The following SRL variants were observed in gnomAD, a reference collection of about 807,000 sequenced individuals.
The protein encoded by SRL is sarcalumenin.
In SRL, 23 loss-of-function variants were observed where a neutral mutation model predicts 39.5. The observed-to-expected ratio is 0.58, with a 90% CI of 0.42 to 0.82. SRL has a LOEUF of 0.82. Among genes scored for constraint, SRL ranks in the 40% least tolerant of loss-of-function variants. The pLI is 0.00. For missense variants in SRL, 592 were observed against 607.8 expected (o/e 0.97, Z 0.27); for synonymous variants, 272 against 237.4 (o/e 1.15, Z -1.34).
At chr16:4,220,603 G>C (rs1375771693) in intron 1 of SRL, among the ~76,000 whole-genome samples, 1 of 152,186 alleles carries the variant, frequency 6.6e-6, no homozygotes, top group Non-Finnish European at 1.5e-5. Flanking sequence ...GGGCCTCCAA[G>C]TTGCCTGGCT....
At position 4,226,826 on chromosome 16, in the gene SRL, CGGAT is replaced by C. The variant is rs370562967; in HGVS notation, c.61+15177_61+15180del. Among the ~76,000 whole-genome samples, 446 of 122,142 alleles carry C rather than the reference CGGAT, an allele frequency of 3.7e-3. 3 individuals carry two copies. Among genetic ancestry groups the C allele is most frequent in the African/African-American group, 0.012 (399 of 32,008 alleles). 80.1% of individuals were successfully genotyped at this position (122,142 alleles called of 152,430 possible). On this transcript the variant is annotated intron_variant, in intron 1 of 5. Coordinates refer to ENST00000399609, the MANE Select transcript of SRL (RefSeq NM_001098814.2). ...ATGGATGGATGGATGGAAGAATGGA[CGGAT>C]GGATGGATGGATGGAGGGGTAGATG...
chr16:4,225,683 C>A (rs2141060518), intron 1 of SRL, among the ~76,000 whole-genome samples: 1 of 152,276 alleles, frequency 6.6e-6, no homozygotes, highest in East Asian at 1.9e-4. Flanking sequence ...CCTGCCCCCA[C>A]CGGCTCCCTG....
rs1680962102 is a variant in SRL, at chr16:4,192,045, T to G, written c.*108A>C. 1.6e-6 allele frequency: 2 copies of G among 1,244,430 alleles called. No homozygotes were observed. The highest frequency in any genetic ancestry group is 3.0e-5 in the African/African-American group (2 of 66,296). 77.1% of individuals were successfully genotyped at this position (1,244,430 alleles called of 1,614,324 possible). On this transcript the variant is annotated 3_prime_UTR_variant, in exon 6 of 6. Transcript: ENST00000399609. The surrounding 1 kb of genome is among the most constrained non-coding windows in gnomAD (Gnocchi z 4.0). ...TCAATGAACTCCCAACTCTCCACTGTGTAATAATTCCTGCCAGTGTGGCTC... is the reference window on the plus strand; with the variant it reads ...TCAATGAACTCCCAACTCTCCACTGGGTAATAATTCCTGCCAGTGTGGCTC...
intron 1 of SRL, 97 bp downstream of exon 1, chr16:4,241,910 T>C: frequency 7.4e-7 from 1 of 1,356,976 alleles, no homozygotes; most frequent in East Asian, 2.3e-5. Flanking sequence ...GGGTTTGCCA[T>C]CAGCCCCGAC....
chr16:4,228,690 A>C (rs576223416), intron 1 of SRL, among the ~76,000 whole-genome samples: 1 of 151,828 alleles, frequency 6.6e-6, no homozygotes, highest in African/African-American at 2.4e-5. Context: ...AGCCAAGATC[A>C]TGCCACTGCA....
chr16:4,238,585 C>T (rs1419756955), intron 1 of SRL, among the ~76,000 whole-genome samples: 1 of 151,806 alleles, frequency 6.6e-6, no homozygotes, highest in African/African-American at 2.4e-5. Flanking sequence ...CCAGCAGTTC[C>T]TAAACAGCAG....
rs564369658 is a variant in SRL at position 4,189,936 on chromosome 16, C to G, written c.*2217G>C. The stretch of plus-strand genomic sequence containing the variant: ...AGGGCCCATCCCCCAAGAGGGCAGA[C>G]AGTACAGAGATGAGGCGAGGGGTTC... On this transcript the variant is annotated 3_prime_UTR_variant, in exon 6 of 6. Transcript: ENST00000399609. 107 of 208,030 alleles carry G rather than the reference C, an allele frequency of 5.1e-4. 1 individual carries two copies. The highest frequency in any genetic ancestry group is 2.1e-4 in the Non-Finnish European group (22 of 105,302). 12.9% of individuals were successfully genotyped at this position (208,030 alleles called of 1,614,324 possible). A position where few individuals can be genotyped will look rare whatever the true frequency, so the allele number is the denominator to read the frequency against.
chr16:4,223,683 C>G lies in SRL; in HGVS notation c.61+18324G>C, dbSNP rs568325630. Reference sequence around the variant, plus strand: ...TTACAGAAAGATGAGCCACCACATCCGGCAAGGAATCTGCCTTTTAAACAA... The same window carrying G: ...TTACAGAAAGATGAGCCACCACATCGGGCAAGGAATCTGCCTTTTAAACAA... On this transcript the variant is annotated intron_variant, in intron 1 of 5. Coordinates refer to ENST00000399609, the MANE Select transcript of SRL (RefSeq NM_001098814.2). Among the ~76,000 whole-genome samples the G allele has an allele frequency of 5.1e-4, 78 of 152,174 alleles. 2 individuals carry two copies. The South Asian group carries it at 0.016, about 30-fold the overall frequency.
chr16:4,201,637 T>TTTTG (rs3081045), intron 3 of SRL, among the ~76,000 whole-genome samples: 6,571 of 122,208 alleles, frequency 0.054, 1,216 homozygotes, highest in African/African-American at 0.14. Flanking sequence ...TGTGTGTGTG[T>TTTTG]TTTGTTTGTT....
At chr16:4,235,903 A>G (rs1377728846) in intron 1 of SRL, among the ~76,000 whole-genome samples, 3 of 152,034 alleles carry the variant, frequency 2.0e-5, no homozygotes, top group East Asian at 3.9e-4. Context: ...CCTGACCAAC[A>G]TGGAGAAACT....
chr16:4,213,178 C>A (rs2052414235), intron 1 of SRL, among the ~76,000 whole-genome samples: 1 of 152,086 alleles, frequency 6.6e-6, no homozygotes, highest in South Asian at 2.1e-4. Flanking sequence ...GAGGAAAGAT[C>A]AAACAGCAGA....
chr16:4,240,827 C>CT, intron 1 of SRL, among the ~76,000 whole-genome samples: 1 of 152,294 alleles, frequency 6.6e-6, no homozygotes, highest in Non-Finnish European at 1.5e-5. Flanking sequence ...TGTTTCCATA[C>CT]TTAGCCGCCT....
Position 4,192,689 on chromosome 16 carries a change from G to A in SRL, c.886C>T (p.Gln296Ter). The change falls in exon 6 of 6, where the codon CAA (glutamine) becomes TAA (stop). Residue 296 changes from glutamine (Q) to a stop codon, truncating the protein, a stop_gained. Coordinates refer to ENST00000399609, the MANE Select transcript of SRL (RefSeq NM_001098814.2). LOFTEE classifies it high-confidence loss of function. This position sits in a 1 kb window ranked among gnomAD's most constrained non-coding sequence, Gnocchi z 4.0. Reference sequence around the variant, plus strand: ...TGATGGGTGTCCGGCTTATACTCTTGTGGCCAGAAGGAGCTGACGTAAACC... The same window carrying A: ...TGATGGGTGTCCGGCTTATACTCTTATGGCCAGAAGGAGCTGACGTAAACC... The part of the protein sequence containing the change: ...PRVYVSSFWP[Q>*]EYKPDTHQEL... The A allele has an allele frequency of 6.2e-7, 1 of 1,614,120 alleles. No individual in the cohort carries two copies. Among genetic ancestry groups the A allele is most frequent in the Non-Finnish European group, 8.5e-7 (1 of 1,180,024 alleles).
chr16:4,206,499 C>A (rs1022069680), intron 1 of SRL, among the ~76,000 whole-genome samples: 2 of 152,156 alleles, frequency 1.3e-5, no homozygotes, highest in Non-Finnish European at 2.9e-5. Flanking sequence ...GGTTCTGGGG[C>A]CCCTGACTCG....
intron 1 of SRL, among the ~76,000 whole-genome samples, chr16:4,228,244 C>T (rs2052613955): frequency 6.6e-6 from 1 of 152,118 alleles, no homozygotes; most frequent in African/African-American, 2.4e-5. Flanking sequence ...CAAGATCAGC[C>T]TGGCCAAGAT....
chr16:4,208,024 G>C (rs1273128550), intron 1 of SRL: 1 of 456,646 alleles, frequency 2.2e-6, no homozygotes, highest in East Asian at 6.9e-5. Context: ...TTCTCCTCTA[G>C]ACTTGCGTCT....
intron 1 of SRL, among the ~76,000 whole-genome samples, chr16:4,240,610 C>A (rs886903369): frequency 6.6e-6 from 1 of 152,116 alleles, no homozygotes; most frequent in Non-Finnish European, 1.5e-5. Context: ...CCTTTCCCCA[C>A]GACAAGAGCC....
intron 1 of SRL, among the ~76,000 whole-genome samples, chr16:4,225,646 C>T (rs1037477749): frequency 2.0e-5 from 3 of 152,062 alleles, no homozygotes; most frequent in African/African-American, 4.8e-5. Context: ...TTAAAATATA[C>T]CCTCAATCCA....
chr16:4,210,118 T>C (rs2052374521), intron 1 of SRL, among the ~76,000 whole-genome samples: 1 of 152,214 alleles, frequency 6.6e-6, no homozygotes, highest in Admixed American at 6.5e-5. Flanking sequence ...CGCGGTCAGA[T>C]TGGGGTACCA....
Sources: allele counts gnomAD v4.1 joint callset (sites outside exome capture counted in the v4.1 genomes callset), GRCh38; gene constraint gnomAD v4.1.1; non-coding constraint Gnocchi (gnomAD v3.1); transcripts MANE v1.5; gene names NCBI Gene and HGNC (gene_info 2026-07-23, HGNC 2026-07-21).